Variants in MAD1L1 observed in about 807,000 individuals in gnomAD.
The protein encoded by MAD1L1 is mitotic arrest deficient 1 like 1.
A neutral mutation model predicts 96.9 loss-of-function variants in MAD1L1; 95 were observed. That is an observed-to-expected ratio of 0.98 (90% CI 0.83 to 1.16). The LOEUF is 1.16. Among genes scored for constraint, MAD1L1 ranks in the 50% most tolerant of loss-of-function variants. The probability of loss-of-function intolerance (pLI) is 0.00; values close to 1 mark genes in which losing one functional copy is unlikely to be tolerated. For synonymous variants in MAD1L1, 473 were observed against 396.6 expected, an observed-to-expected ratio of 1.19 and a Z score of -2.29; for missense variants, 1,007 against 954.4, an observed-to-expected ratio of 1.06 and a Z score of -0.73.
intron 10 of MAD1L1, among the ~76,000 whole-genome samples, chr7:2,194,679 C>G (rs563679841): frequency 7.0e-4 from 106 of 152,306 alleles, no homozygotes; most frequent in African/African-American, 2.4e-3. Context: ...TGCCCTAAAT[C>G]CATCCCAACC....
In MAD1L1 at chr7:2,138,345, G is replaced by A. The variant is rs146676638; in HGVS notation, c.1073+10807C>T. ...GCGCTCAGCAGGCTGGCGGTGGGGC[G>A]GTCAGCTCTGCAGGTGCACTTAGTC... On this transcript the variant is annotated intron_variant, in intron 11 of 18. Coordinates refer to ENST00000265854, the MANE Select transcript of MAD1L1 (RefSeq NM_001013836.2). Among the ~76,000 whole-genome samples the A allele has an allele frequency of 8.8e-4, 134 of 152,302 alleles. 1 individual carries two copies. The highest frequency in any genetic ancestry group is 1.1e-3 in the Non-Finnish European group (72 of 68,024).
intron 15 of MAD1L1, among the ~76,000 whole-genome samples, chr7:1,974,497 T>C (rs988698111): frequency 6.6e-6 from 1 of 152,122 alleles, no homozygotes; most frequent in Admixed American, 6.5e-5. Context: ...GGATGCTTTA[T>C]ACATAAAAGA....
intron 3 of MAD1L1, among the ~76,000 whole-genome samples, chr7:2,228,404 G>A (rs1426224693): frequency 6.6e-6 from 1 of 151,868 alleles, no homozygotes; most frequent in South Asian, 2.1e-4. Flanking sequence ...GATTACAGGT[G>A]CCCACACCCG....
chr7:2,227,111 T>C (rs1480899167), intron 3 of MAD1L1, among the ~76,000 whole-genome samples: 1 of 151,886 alleles, frequency 6.6e-6, no homozygotes, highest in Non-Finnish European at 1.5e-5. Flanking sequence ...CTGGCCAACA[T>C]GGTGAAACCC....
At chr7:2,068,204 G>A (rs1784968126) in intron 12 of MAD1L1, among the ~76,000 whole-genome samples, 1 of 152,236 alleles carries the variant, frequency 6.6e-6, no homozygotes, top group Non-Finnish European at 1.5e-5. Flanking sequence ...GCTATGCGCA[G>A]GGGCCAGCTC....
chr7:1,878,208 C>T (rs903007854), intron 18 of MAD1L1, among the ~76,000 whole-genome samples: 1 of 151,644 alleles, frequency 6.6e-6, no homozygotes, highest in Non-Finnish European at 1.5e-5. Context: ...AAATGCCAAG[C>T]CCAGATGACC....
At chr7:2,161,010 T>A (rs909785170) in intron 10 of MAD1L1, among the ~76,000 whole-genome samples, 5 of 152,062 alleles carry the variant, frequency 3.3e-5, no homozygotes, top group African/African-American at 1.2e-4. Flanking sequence ...GACGCTCAGC[T>A]ATGCATAACA....
chr7:1,880,780 A>T (rs1202721435), intron 18 of MAD1L1, among the ~76,000 whole-genome samples: 1 of 152,200 alleles, frequency 6.6e-6, no homozygotes, highest in Non-Finnish European at 1.5e-5. Context: ...CTGTGGAGGC[A>T]GGGATCTCAC....
chr7:2,019,640 G>C (rs1462086750), intron 12 of MAD1L1, among the ~76,000 whole-genome samples: 1 of 152,160 alleles, frequency 6.6e-6, no homozygotes, highest in Non-Finnish European at 1.5e-5. Context: ...TGGGGGTCGG[G>C]CTGCCCGGCC....
intron 13 of MAD1L1, among the ~76,000 whole-genome samples, chr7:2,013,793 T>C (rs1388451629): frequency 6.6e-6 from 1 of 151,876 alleles, no homozygotes; most frequent in Non-Finnish European, 1.5e-5. Context: ...CCAGTGTAGA[T>C]GAGAAGTGTG....
At chr7:1,901,814 G>T (rs1787263495) in intron 17 of MAD1L1, among the ~76,000 whole-genome samples, 2 of 152,172 alleles carry the variant, frequency 1.3e-5, no homozygotes, top group African/African-American at 4.8e-5. Context: ...TTGAACTCTG[G>T]CCACACTGAC....
intron 15 of MAD1L1, among the ~76,000 whole-genome samples, chr7:1,974,101 G>A (rs532605268): frequency 8.5e-5 from 13 of 152,326 alleles, no homozygotes; most frequent in Non-Finnish European, 1.3e-4. Context: ...GGTAAGGCAC[G>A]GACAGGGTGC....
At chr7:1,849,803 A>G (rs1328194507) in intron 18 of MAD1L1, 2 of 151,566 alleles carry the variant, frequency 1.3e-5, no homozygotes, top group African/African-American at 4.8e-5. Context: ...CCGCAGTGGC[A>G]GCGGCAGCGG....
chr7:2,131,317 C>T (rs957084125), intron 11 of MAD1L1, among the ~76,000 whole-genome samples: 2 of 152,180 alleles, frequency 1.3e-5, no homozygotes, highest in Non-Finnish European at 2.9e-5. Flanking sequence ...CACTTCTCCA[C>T]CTTGTGATGA....
chr7:1,866,126 CA>C (rs1279540476), intron 18 of MAD1L1, among the ~76,000 whole-genome samples: 1 of 152,250 alleles, frequency 6.6e-6, no homozygotes, highest in African/African-American at 2.4e-5. Flanking sequence ...AGATGCTCAG[CA>C]GGGCTGGTTG....
chr7:1,955,882 G>C (rs1017098217), intron 16 of MAD1L1, among the ~76,000 whole-genome samples: 4 of 151,848 alleles, frequency 2.6e-5, no homozygotes, highest in African/African-American at 9.7e-5. Flanking sequence ...CTAAGTAGCT[G>C]GGCAGGCTGA....
chr7:2,191,933 A>AG (rs1017659445), intron 10 of MAD1L1, among the ~76,000 whole-genome samples: 3 of 151,728 alleles, frequency 2.0e-5, no homozygotes, highest in African/African-American at 7.3e-5. Context: ...CGGGAGGCTG[A>AG]GGCGGAAGAA....
intron 17 of MAD1L1, among the ~76,000 whole-genome samples, chr7:1,932,726 C>T (rs1205217839): frequency 2.0e-5 from 3 of 152,246 alleles, no homozygotes; most frequent in African/African-American, 4.8e-5. Flanking sequence ...GAGCCTCTCC[C>T]GGGAGGCAGG....
chr7:2,025,286 G>A (rs921999526), intron 12 of MAD1L1, among the ~76,000 whole-genome samples: 23 of 152,206 alleles, frequency 1.5e-4, no homozygotes, highest in Non-Finnish European at 1.6e-4. Context: ...AAGAGCTAGG[G>A]AAGAGGAGAG....
Sources: gnomAD v4.1 joint callset for allele counts (sites outside exome capture counted in the v4.1 genomes callset) on GRCh38, gnomAD v4.1.1 for gene constraint, MANE v1.5 for transcripts, NCBI Gene and HGNC (gene_info 2026-07-23, HGNC 2026-07-21) for gene names.